PHF12: variants seen among roughly 807,000 people sequenced by gnomAD.
PHF12 encodes PHD factor 1.
A neutral mutation model predicts 99.8 loss-of-function variants in PHF12; 6 were observed. The observed-to-expected ratio is 0.06, with a 90% CI of 0.03 to 0.12. PHF12 has a LOEUF of 0.12. PHF12 is among the 10% of genes least tolerant of loss of function. The pLI is 1.00. For missense variants in PHF12, 954 were observed against 1,300.1 expected, an observed-to-expected ratio of 0.73 and a Z score of 4.09; for synonymous variants, 480 against 514.9, an observed-to-expected ratio of 0.93 and a Z score of 0.92.
In PHF12 at chr17:28,908,868, C is replaced by T; in HGVS notation, c.2373G>A (p.Glu791=). The T allele has an allele frequency of 6.2e-7, 1 of 1,613,892 alleles. No individual in the cohort carries two copies. Among genetic ancestry groups the T allele is most frequent in the Admixed American group, 1.7e-5 (1 of 59,958 alleles). Residue 791 remains glutamate, a synonymous_variant, in exon 12 of 15, where the codon GAG becomes GAA. Coordinates refer to ENST00000332830, the MANE Select transcript of PHF12 (RefSeq NM_001033561.2). ...GGHHIEVQRK[E]VQARAVFYPL... ...GGTAGAACACAGCTCGGGCCTGTAC[C>T]TCCTTTCTTTGCACTACAAGACAAA...
Position 28,920,984 on chromosome 17 carries a change from C to A in PHF12, c.836+704G>T, listed in dbSNP as rs564834950. On this transcript the variant is annotated intron_variant, in intron 5 of 14. Coordinates refer to ENST00000332830, the MANE Select transcript of PHF12 (RefSeq NM_001033561.2). ...CGCCTCCCAGGTTCATGCCATTCTCCTGCCTCAGCCTTCAGAGTAGCTGGG... is the reference window on the plus strand; with the variant it reads ...CGCCTCCCAGGTTCATGCCATTCTCATGCCTCAGCCTTCAGAGTAGCTGGG... Among the ~76,000 whole-genome samples the A allele has an allele frequency of 7.9e-5, 12 of 151,992 alleles. No individual in the cohort carries two copies. The South Asian group carries it at 2.3e-3, about 29-fold the overall frequency.
chr17:28,911,275 T>TGAG lies in PHF12; in HGVS notation c.2090-41_2090-39dup, dbSNP rs1338037513. 1.9e-6 allele frequency: 3 copies of TGAG among 1,611,710 alleles called. No individual in the cohort carries two copies. The East Asian group carries it at 6.7e-5, about 36-fold the overall frequency. ...CAGGAAGACTGTTACTTACGTCGCC[T>TGAG]GAGGGAAACCCACCGTCCAATCCCC... On this transcript the variant is annotated intron_variant, in intron 9 of 14. Coordinates refer to ENST00000332830, the MANE Select transcript of PHF12 (RefSeq NM_001033561.2).
At chr17:28,936,122 T>A (rs181960376) in intron 2 of PHF12, among the ~76,000 whole-genome samples, 1 of 152,360 alleles carries the variant, frequency 6.6e-6, no homozygotes, top group East Asian at 1.9e-4. Flanking sequence ...AGAGGATCTA[T>A]TTCAAGTCAT....
intron 7 of PHF12, among the ~76,000 whole-genome samples, chr17:28,916,904 GCT>G (rs1442684005): frequency 2.0e-5 from 3 of 152,256 alleles, no homozygotes; most frequent in Admixed American, 1.3e-4. Context: ...CTTCCACATG[GCT>G]CTTTCTGCTT....
At chr17:28,913,324 C>T (rs772591946) in intron 8 of PHF12, 47 bp from the exon 9 acceptor site, 59 of 1,556,020 alleles carry the variant, frequency 3.8e-5, no homozygotes, top group Middle Eastern at 2.0e-4. Context: ...TGAGAGGCGC[C>T]GGTCCTTCCT....
At chr17:28,943,455 C>A (rs1469523751) in intron 2 of PHF12, among the ~76,000 whole-genome samples, 1 of 152,066 alleles carries the variant, frequency 6.6e-6, no homozygotes, top group Non-Finnish European at 1.5e-5. Flanking sequence ...CATGGTGAAA[C>A]CCCGTTTCTA....
intron 2 of PHF12, among the ~76,000 whole-genome samples, chr17:28,947,564 C>T (rs918896168): frequency 5.9e-5 from 9 of 151,716 alleles, no homozygotes; most frequent in Non-Finnish European, 1.3e-4. Flanking sequence ...GGTGACAAAG[C>T]GAAGACGCCT....
Position 28,949,963 on chromosome 17 carries a change from G to C in PHF12, c.248+102C>G. Reference sequence around the variant, plus strand: ...CGGCAGCTGCAGAAAGTCAGCTAGCGGCTGCAAGCGCCCGTTATTTCGGCA... The same window carrying C: ...CGGCAGCTGCAGAAAGTCAGCTAGCCGCTGCAAGCGCCCGTTATTTCGGCA... On this transcript the variant is annotated intron_variant, in intron 2 of 14. Transcript: ENST00000332830. This position sits in a 1 kb window ranked among gnomAD's most constrained non-coding sequence, Gnocchi z 4.6. 2 of 1,335,782 alleles carry C rather than the reference G, an allele frequency of 1.5e-6. No homozygotes were observed. Among genetic ancestry groups the C allele is most frequent in the Non-Finnish European group, 2.0e-6 (2 of 988,804 alleles). 82.7% of individuals were successfully genotyped at this position (1,335,782 alleles called of 1,614,324 possible). A position where few individuals can be genotyped will look rare whatever the true frequency, so the allele number is the denominator to read the frequency against.
At chr17:28,924,381 C>A (rs2040227514) in intron 3 of PHF12, 79 bp from the exon 4 acceptor site, 3 of 1,598,810 alleles carry the variant, frequency 1.9e-6, no homozygotes, top group African/African-American at 2.7e-5. Flanking sequence ...CCTGGTAGAC[C>A]ACTAATCAAA....
In PHF12 at chr17:28,912,575, C is replaced by G; in HGVS notation, c.1996G>C (p.Ala666Pro). The change falls in exon 9 of 15, where the codon GCC becomes CCC. Residue 666 changes from alanine to proline, a missense_variant. Coordinates refer to ENST00000332830, the MANE Select transcript of PHF12 (RefSeq NM_001033561.2). Reference protein sequence around the residue: ...DSRPLGSPPNATRVLTPPQAA... With the variant: ...DSRPLGSPPNPTRVLTPPQAA... ...TGCGGGGGAGTGAGCACCCGGGTGG[C>G]GTTTGGGGGTGAGCCCAGTGGCCTT... The G allele has an allele frequency of 6.2e-7, 1 of 1,614,112 alleles. No individual in the cohort carries two copies.
chr17:28,948,225 G>A (rs2040750894), intron 2 of PHF12, among the ~76,000 whole-genome samples: 1 of 152,162 alleles, frequency 6.6e-6, no homozygotes, highest in South Asian at 2.1e-4. Flanking sequence ...GGAGTAGGAC[G>A]TAAGCCCACA....
At chr17:28,947,895 A>G (rs544657399) in intron 2 of PHF12, among the ~76,000 whole-genome samples, 1 of 152,318 alleles carries the variant, frequency 6.6e-6, no homozygotes, top group South Asian at 2.1e-4. Flanking sequence ...CTCAAAAAAA[A>G]AAAAAATTTC....
chr17:28,951,011 GGGGGAGGGGGGAGGTGA>G lies in PHF12; in HGVS notation c.-68_-52del, dbSNP rs765286306. The G allele has an allele frequency of 6.8e-6, 11 of 1,610,542 alleles. No individual in the cohort carries two copies. The highest frequency in any genetic ancestry group is 1.7e-4 in the Middle Eastern group (1 of 6,046). ...CTCTGCTCCGGCCCCCCCAACCCCG[GGGGGAGGGGGGAGGTGA>G]GGGGAGGGGGCGCTCCTGACCCCGG... On this transcript the variant is annotated 5_prime_UTR_variant, in exon 1 of 15. Transcript: ENST00000332830.
intron 2 of PHF12, among the ~76,000 whole-genome samples, chr17:28,928,650 T>C (rs1396872626): frequency 1.3e-5 from 2 of 151,782 alleles, no homozygotes; most frequent in African/African-American, 4.8e-5. Flanking sequence ...GGCGTGGTGG[T>C]GGGCACCTGT....
chr17:28,924,451 TGTTAAA>T (rs1180787141), intron 3 of PHF12, 149 bp from the exon 4 acceptor site: 2 of 1,046,326 alleles, frequency 1.9e-6, no homozygotes, highest in African/African-American at 3.1e-5. Context: ...AACACTGGTC[TGTTAAA>T]GTTGACACAA....
chr17:28,946,860 C>T (rs887406946), intron 2 of PHF12, among the ~76,000 whole-genome samples: 15 of 151,818 alleles, frequency 9.9e-5, no homozygotes, highest in African/African-American at 2.7e-4. Flanking sequence ...TTGTACTTTC[C>T]GTATGGAAGG....
At position 28,947,611 on chromosome 17, in the gene PHF12, A is replaced by C. The variant is rs570193214; in HGVS notation, c.248+2454T>G. Among the ~76,000 whole-genome samples the C allele has an allele frequency of 2.3e-3, 356 of 152,056 alleles. 1 individual carries two copies. The highest frequency in any genetic ancestry group is 7.9e-3 in the African/African-American group (327 of 41,456). On this transcript the variant is annotated intron_variant, in intron 2 of 14. Coordinates refer to ENST00000332830, the MANE Select transcript of PHF12 (RefSeq NM_001033561.2). ...AAACAAACAAACAAAAAACAACAAC[A>C]AAAAAAACTTCACTCTTGGTGGAAA...
At position 28,950,308 on chromosome 17, in the gene PHF12, C is replaced by G. The variant is rs777088278; in HGVS notation, c.67-62G>C. On this transcript the variant is annotated intron_variant, in intron 1 of 14. Transcript: ENST00000332830. The surrounding 1 kb of genome is among the most constrained non-coding windows in gnomAD (Gnocchi z 5.7). ...GAGCTCCCGGGCGGTCCGTCGCCCC[C>G]CCGGCGCGGTTTCTCCGTCACCCAC... The G allele has an allele frequency of 1.8e-5, 28 of 1,523,128 alleles. No homozygotes were observed. The highest frequency in any genetic ancestry group is 2.4e-5 in the Non-Finnish European group (27 of 1,133,536). 94.4% of individuals were successfully genotyped at this position (1,523,128 alleles called of 1,614,324 possible). A position where few individuals can be genotyped will look rare whatever the true frequency, so the allele number is the denominator to read the frequency against.
At position 28,949,085 on chromosome 17, in the gene PHF12, C is replaced by G. The variant is rs1288161478; in HGVS notation, c.248+980G>C. ...TCCCTCTCGGTTCGGTCTCTCCCCT[C>G]CTCTCATGTCCAGTAAGGGGGAAAA... On this transcript the variant is annotated intron_variant, in intron 2 of 14. Coordinates refer to ENST00000332830, the MANE Select transcript of PHF12 (RefSeq NM_001033561.2). The surrounding 1 kb of genome is among the most constrained non-coding windows in gnomAD (Gnocchi z 4.6). Among the ~76,000 whole-genome samples the G allele has an allele frequency of 6.6e-6, 1 of 152,178 alleles. No individual in the cohort carries two copies. The highest frequency in any genetic ancestry group is 1.5e-5 in the Non-Finnish European group (1 of 68,028).
Sources: gnomAD v4.1 joint callset for allele counts (sites outside exome capture counted in the v4.1 genomes callset) on GRCh38, gnomAD v4.1.1 for gene constraint, Gnocchi (gnomAD v3.1) non-coding constraint, MANE v1.5 for transcripts, NCBI Gene and HGNC (gene_info 2026-07-23, HGNC 2026-07-21) for gene names.